Variants in RBFOX3 observed in about 807,000 individuals in gnomAD.
RBFOX3 encodes the protein RNA binding fox-1 homolog 3.
A neutral mutation model predicts 48.7 loss-of-function variants in RBFOX3; 17 were observed. That is an observed-to-expected ratio of 0.35 (90% confidence interval 0.24 to 0.52). RBFOX3 has a LOEUF of 0.52. Among genes scored for constraint, RBFOX3 ranks in the 20% least tolerant of loss-of-function variants. RBFOX3 has a pLI of 0.94. For synonymous variants in RBFOX3, 212 were observed against 209.5 expected (o/e 1.01, Z -0.10); for missense variants, 382 against 497.5 (o/e 0.77, Z 2.21).
At chr17:79,101,395 G>A (rs952054380) in intron 9 of RBFOX3, among the ~76,000 whole-genome samples, 189 bp downstream of exon 9, 2 of 152,172 alleles carry the variant, frequency 1.3e-5, no homozygotes, top group African/African-American at 4.8e-5. Flanking sequence ...GTGGCCCCCA[G>A]CTCTCCTCCC....
At chr17:79,149,337 G>T (rs1264084912) in intron 4 of RBFOX3, among the ~76,000 whole-genome samples, 2 of 152,178 alleles carry the variant, frequency 1.3e-5, no homozygotes, top group Non-Finnish European at 2.9e-5. Flanking sequence ...TGCAGGCAGT[G>T]GGGGGAGTGG....
intron 4 of RBFOX3, among the ~76,000 whole-genome samples, chr17:79,147,825 C>T (rs1242970146): frequency 1.3e-5 from 2 of 152,238 alleles, no homozygotes; most frequent in Non-Finnish European, 2.9e-5. Context: ...CTTTGCCAAG[C>T]GCCTTCGATC....
rs1034156629 is a variant in RBFOX3, at chr17:79,390,729, G to C, written c.-174-82905C>G. On this transcript the variant is annotated intron_variant, in intron 2 of 14. Transcript: ENST00000693108. This position sits in a 1 kb window ranked among gnomAD's most constrained non-coding sequence, Gnocchi z 4.2. Reference sequence around the variant, plus strand: ...TTATCTCAGACAATCTGCCCGTCTCGGCCTCCCAACGCATGGCCCATTCAA... The same window carrying C: ...TTATCTCAGACAATCTGCCCGTCTCCGCCTCCCAACGCATGGCCCATTCAA... Among the ~76,000 whole-genome samples, 2 of 152,140 alleles carry C rather than the reference G, an allele frequency of 1.3e-5. No homozygotes were observed. Among genetic ancestry groups the C allele is most frequent in the African/African-American group, 4.8e-5 (2 of 41,426 alleles).
chr17:79,389,555 C>CAGGGGAAT (rs1399166400), intron 2 of RBFOX3, among the ~76,000 whole-genome samples: 1 of 152,230 alleles, frequency 6.6e-6, no homozygotes, highest in African/African-American at 2.4e-5. Context: ...TTGTTAAACA[C>CAGGGGAAT]TGAGTCCCCC....
rs558119976 is a variant in RBFOX3 at position 79,109,352 on chromosome 17, T to C, written c.223-2564A>G. On this transcript the variant is annotated intron_variant, in intron 5 of 14. Coordinates refer to ENST00000693108, the MANE Select transcript of RBFOX3 (RefSeq NM_001350451.2). ...GACAGGCCTCCGGAGACTCCTGGTC[T>C]GGCTGGCATCACGTCCCCAGTGACG... is the stretch of plus-strand genomic sequence containing the variant. Among the ~76,000 whole-genome samples, 130 of 152,290 alleles carry C rather than the reference T, an allele frequency of 8.5e-4. 1 individual carries two copies. Among genetic ancestry groups the C allele is most frequent in the African/African-American group, 3.1e-3 (128 of 41,566 alleles).
rs2091620496 is a variant in RBFOX3 at position 79,555,504 on chromosome 17, GGTGGTGATGGTGGTGGTGATGGTAGTT to G, written c.-320+55295_-320+55321del. ...TGGTGGTGATGACAGTGGTGGTGGT[GGTGGTGATGGTGGTGGTGATGGTAGTT>G]GTGGTGGTGGTGATGGTGGTGATGA... On this transcript the variant is annotated intron_variant, in intron 1 of 14. Coordinates refer to ENST00000693108, the MANE Select transcript of RBFOX3 (RefSeq NM_001350451.2). Among the ~76,000 whole-genome samples the G allele has an allele frequency of 2.1e-5, 3 of 140,864 alleles. 1 individual carries two copies. Among genetic ancestry groups the G allele is most frequent in the African/African-American group, 9.1e-5 (3 of 33,128 alleles). 92.4% of individuals were successfully genotyped at this position (140,864 alleles called of 152,430 possible).
chr17:79,326,759 GTGAACCCTCAGGCCCTGTCTACT>G (rs2079395087), intron 2 of RBFOX3, among the ~76,000 whole-genome samples: 1 of 152,184 alleles, frequency 6.6e-6, no homozygotes, highest in Non-Finnish European at 1.5e-5. Flanking sequence ...TGGCCTCAGT[GTGAACCCTCAGGCCCTGTCTACT>G]TGAACCCCAG....
intron 1 of RBFOX3, among the ~76,000 whole-genome samples, chr17:79,553,744 ACAGAGT>A (rs1311988088): frequency 2.0e-5 from 3 of 151,622 alleles, no homozygotes; most frequent in Non-Finnish European, 4.4e-5. Flanking sequence ...CGTTTTTGAG[ACAGAGT>A]CTCTCTCTCT....
chr17:79,430,071 C>T (rs1598655008), intron 2 of RBFOX3, among the ~76,000 whole-genome samples: 1 of 152,096 alleles, frequency 6.6e-6, no homozygotes, highest in East Asian at 1.9e-4. Context: ...GAGACATCAG[C>T]GCACCAACCC....
At chr17:79,402,198 A>G (rs978304366) in intron 2 of RBFOX3, among the ~76,000 whole-genome samples, 1 of 152,234 alleles carries the variant, frequency 6.6e-6, no homozygotes, top group Non-Finnish European at 1.5e-5. Context: ...GGGAGGCAGG[A>G]TCCACTTGGC....
intron 4 of RBFOX3, among the ~76,000 whole-genome samples, chr17:79,129,735 T>G (rs2038318039): frequency 6.6e-6 from 1 of 152,246 alleles, no homozygotes; most frequent in South Asian, 2.1e-4. Flanking sequence ...TTGTGGCGTT[T>G]GCCAATTTCC....
intron 1 of RBFOX3, among the ~76,000 whole-genome samples, chr17:79,539,068 G>T (rs1214196037): frequency 6.6e-6 from 1 of 152,174 alleles, no homozygotes; most frequent in African/African-American, 2.4e-5. Flanking sequence ...GGACTAATAC[G>T]TGGTCAGGTG....
intron 4 of RBFOX3, among the ~76,000 whole-genome samples, chr17:79,191,487 A>G (rs1232912424): frequency 6.6e-6 from 1 of 152,188 alleles, no homozygotes; most frequent in Non-Finnish European, 1.5e-5. Flanking sequence ...GCGTCAGCTC[A>G]TTAAAAGCTC....
intron 5 of RBFOX3, among the ~76,000 whole-genome samples, chr17:79,112,915 T>TGGGGGGGGGGGGG (rs1189871020): frequency 1.7e-5 from 1 of 60,176 alleles, no homozygotes; most frequent in Non-Finnish European, 3.0e-5. Flanking sequence ...GGGGGGGGGG[T>TGGGGGGGGGGGGG]GGGCTGGGTA....
rs1349564979 is a variant in RBFOX3 at position 79,479,943 on chromosome 17, G to T, written c.-175+2511C>A. 6.6e-6 allele frequency among the ~76,000 whole-genome samples: 1 copy of T among 152,168 alleles called. No homozygotes were observed. Among genetic ancestry groups the T allele is most frequent in the Non-Finnish European group, 1.5e-5 (1 of 68,034 alleles). On this transcript the variant is annotated intron_variant, in intron 2 of 14. Transcript: ENST00000693108. The surrounding 1 kb of genome is among the most constrained non-coding windows in gnomAD (Gnocchi z 5.1). Reference sequence around the variant, plus strand: ...CAGAGACAGAGCATGATCTCAGGGGGTCTCTCGTCCTGCACTGAGGCCAGC... The same window carrying T: ...CAGAGACAGAGCATGATCTCAGGGGTTCTCTCGTCCTGCACTGAGGCCAGC...
chr17:79,288,054 C>T (rs1312561615), intron 3 of RBFOX3, among the ~76,000 whole-genome samples: 1 of 152,184 alleles, frequency 6.6e-6, no homozygotes, highest in Non-Finnish European at 1.5e-5. Flanking sequence ...GCCTGCTCTG[C>T]CCCAGAACCC....
chr17:79,557,110 T>C (rs997701876), intron 1 of RBFOX3, among the ~76,000 whole-genome samples: 2 of 149,972 alleles, frequency 1.3e-5, no homozygotes, highest in Admixed American at 6.7e-5. Context: ...CCAGGCATGG[T>C]GGTGGACACC....
At chr17:79,244,208 G>A (rs1567905939) in intron 3 of RBFOX3, among the ~76,000 whole-genome samples, 1 of 152,210 alleles carries the variant, frequency 6.6e-6, no homozygotes, top group African/African-American at 2.4e-5. Context: ...GTTGAGGAGA[G>A]GACACAGAGA....
chr17:79,385,856 A>G (rs751752934), intron 2 of RBFOX3, among the ~76,000 whole-genome samples: 5 of 151,004 alleles, frequency 3.3e-5, no homozygotes, highest in Non-Finnish European at 7.4e-5. Context: ...CCTCCATTGC[A>G]GACAGGAGCT....
Sources: allele counts gnomAD v4.1 joint callset (sites outside exome capture counted in the v4.1 genomes callset), GRCh38; gene constraint gnomAD v4.1.1; non-coding constraint Gnocchi (gnomAD v3.1); transcripts MANE v1.5; gene names NCBI Gene and HGNC (gene_info 2026-07-23, HGNC 2026-07-21).